MACROD2: variants seen among roughly 807,000 people sequenced by gnomAD.
The protein encoded by MACROD2 is ADP-ribose glycohydrolase MACROD2.
Under a neutral mutation model 70.4 loss-of-function variants are expected in MACROD2, and 36 were observed. The observed-to-expected ratio is 0.51, with a 90% CI of 0.39 to 0.68. The LOEUF (loss-of-function observed/expected upper bound fraction) is 0.68. Ranked by LOEUF, MACROD2 falls within the 30% of genes least tolerant of loss-of-function variation. The pLI, the probability that MACROD2 is intolerant of heterozygous loss-of-function variation, is 0.00. For missense variants in MACROD2, 496 were observed against 538.4 expected, an observed-to-expected ratio of 0.92 and a Z score of 0.78; for synonymous variants, 172 against 178.8, an observed-to-expected ratio of 0.96 and a Z score of 0.30.
chr20:14,838,360 A>G (rs1312501291), intron 5 of MACROD2, among the ~76,000 whole-genome samples: 1 of 152,132 alleles, frequency 6.6e-6, no homozygotes, highest in Admixed American at 6.6e-5. Context: ...GTGAAATTTA[A>G]TAAGGCAGAA....
At chr20:15,636,536 T>C (rs1298608880) in intron 8 of MACROD2, among the ~76,000 whole-genome samples, 1 of 152,174 alleles carries the variant, frequency 6.6e-6, no homozygotes, top group Non-Finnish European at 1.5e-5. Flanking sequence ...CCCCTTGACC[T>C]TGTTTGTATG....
At chr20:15,687,608 G>C (rs1170975150) in intron 8 of MACROD2, among the ~76,000 whole-genome samples, 1 of 152,102 alleles carries the variant, frequency 6.6e-6, no homozygotes, top group African/African-American at 2.4e-5. Context: ...AGGTTGGCCA[G>C]TGCTCCCTGG....
intron 2 of MACROD2, among the ~76,000 whole-genome samples, chr20:14,043,130 G>A (rs930470601): frequency 6.6e-6 from 1 of 151,992 alleles, no homozygotes; most frequent in East Asian, 1.9e-4. Context: ...ATGTTGCCTG[G>A]GCTGGTCTCA....
chr20:15,539,514 G>A (rs945511313), intron 8 of MACROD2, among the ~76,000 whole-genome samples: 3 of 152,284 alleles, frequency 2.0e-5, no homozygotes, highest in South Asian at 4.1e-4. Context: ...GTTCAATGAG[G>A]TGTTATTTCA....
At chr20:14,900,805 T>C (rs562641595) in intron 5 of MACROD2, among the ~76,000 whole-genome samples, 2 of 152,124 alleles carry the variant, frequency 1.3e-5, no homozygotes, top group African/African-American at 4.8e-5. Flanking sequence ...ATTTCATTTG[T>C]TTCTGCTTAA....
At chr20:14,881,176 G>C (rs1008405597) in intron 5 of MACROD2, among the ~76,000 whole-genome samples, 1 of 151,768 alleles carries the variant, frequency 6.6e-6, no homozygotes, top group African/African-American at 2.4e-5. Flanking sequence ...GCCCTTGTCA[G>C]TGGGATCTTC....
At chr20:15,602,667 C>T (rs2048838310) in intron 8 of MACROD2, among the ~76,000 whole-genome samples, 1 of 152,144 alleles carries the variant, frequency 6.6e-6, no homozygotes, top group Admixed American at 6.5e-5. Flanking sequence ...ATCCAGAAAA[C>T]AGAAGCCTCT....
intron 12 of MACROD2, among the ~76,000 whole-genome samples, chr20:15,957,784 A>C (rs951908350): frequency 1.3e-5 from 2 of 152,190 alleles, no homozygotes; most frequent in Non-Finnish European, 2.9e-5. Context: ...CACGGTGGCC[A>C]TCAGCTTCAC....
intron 5 of MACROD2, among the ~76,000 whole-genome samples, chr20:15,138,545 G>A (rs1215178783): frequency 6.6e-6 from 1 of 152,092 alleles, no homozygotes; most frequent in African/African-American, 2.4e-5. Context: ...TATTTGCTCA[G>A]CTAGATTGGT....
At chr20:15,874,587 A>T (rs1395338494) in intron 9 of MACROD2, among the ~76,000 whole-genome samples, 1 of 152,026 alleles carries the variant, frequency 6.6e-6, no homozygotes, top group Non-Finnish European at 1.5e-5. Context: ...TTGTTTCCTG[A>T]CTTTTTAATG....
intron 8 of MACROD2, among the ~76,000 whole-genome samples, chr20:15,622,400 A>C (rs956643067): frequency 3.9e-5 from 6 of 152,318 alleles, no homozygotes; most frequent in Middle Eastern, 3.4e-3. Context: ...TTGAGTCCAA[A>C]AAATGGCATT....
At chr20:14,390,724 A>G (rs1437361404) in intron 3 of MACROD2, among the ~76,000 whole-genome samples, 4 of 152,170 alleles carry the variant, frequency 2.6e-5, no homozygotes, top group African/African-American at 9.7e-5. Context: ...TACTTATACC[A>G]TATACAAAAA....
chr20:15,603,326 C>T (rs914259401), intron 8 of MACROD2, among the ~76,000 whole-genome samples: 1 of 150,836 alleles, frequency 6.6e-6, no homozygotes, highest in African/African-American at 2.5e-5. Context: ...GGTGAAACCC[C>T]ATCTCTACTA....
At chr20:14,789,993 AATG>A (rs2072430015) in intron 5 of MACROD2, among the ~76,000 whole-genome samples, 1 of 152,120 alleles carries the variant, frequency 6.6e-6, no homozygotes, top group East Asian at 1.9e-4. Context: ...TAAATATGTA[AATG>A]ATTACTTAGG....
intron 8 of MACROD2, among the ~76,000 whole-genome samples, chr20:15,706,573 T>C (rs1158296465): frequency 6.6e-6 from 1 of 152,210 alleles, no homozygotes; most frequent in Non-Finnish European, 1.5e-5. Flanking sequence ...AGTAATTGCA[T>C]TGGTTCTGAT....
chr20:15,177,504 A>T (rs1287256891), intron 5 of MACROD2, among the ~76,000 whole-genome samples: 1 of 150,840 alleles, frequency 6.6e-6, no homozygotes, highest in Non-Finnish European at 1.5e-5. Flanking sequence ...GCTGCAGAAA[A>T]CTCCTCTTTG....
intron 3 of MACROD2, among the ~76,000 whole-genome samples, chr20:14,159,772 T>C (rs2055156925): frequency 6.6e-6 from 1 of 152,090 alleles, no homozygotes; most frequent in Non-Finnish European, 1.5e-5. Flanking sequence ...TAAATGGGAG[T>C]GGTGAAGTGG....
chr20:14,264,817 A>C (rs1370782687), intron 3 of MACROD2, among the ~76,000 whole-genome samples: 1 of 152,194 alleles, frequency 6.6e-6, no homozygotes, highest in Non-Finnish European at 1.5e-5. Flanking sequence ...AGAATTTGAG[A>C]GCAAAATGGG....
intron 5 of MACROD2, among the ~76,000 whole-genome samples, chr20:15,060,353 C>G (rs1403971933): frequency 6.6e-6 from 1 of 152,172 alleles, no homozygotes; most frequent in Non-Finnish European, 1.5e-5. Context: ...CTGGCTTGAT[C>G]TTACTCTCCT....
Sources: gnomAD v4.1 joint callset for allele counts (sites outside exome capture counted in the v4.1 genomes callset) on GRCh38, gnomAD v4.1.1 for gene constraint, MANE v1.5 for transcripts, NCBI Gene and HGNC (gene_info 2026-07-23, HGNC 2026-07-21) for gene names.